Variants in KIF13A observed in about 807,000 individuals in gnomAD.
The protein encoded by KIF13A is kinesin-like protein KIF13A.
KIF13A carries 79 observed loss-of-function variants against 212.2 expected under a neutral mutation model. The observed-to-expected ratio is 0.37, with a 90% CI of 0.31 to 0.45. KIF13A has a LOEUF of 0.45. Among genes scored for constraint, KIF13A ranks in the 20% least tolerant of loss-of-function variants. The pLI, the probability that KIF13A is intolerant of heterozygous loss-of-function variation, is 1.00. For missense variants in KIF13A, 1,901 were observed against 2,209.0 expected, an observed-to-expected ratio of 0.86 and a Z score of 2.79; for synonymous variants, 789 against 808.6, an observed-to-expected ratio of 0.98 and a Z score of 0.41.
In KIF13A at chr6:17,811,616, T is replaced by C. The variant is rs936794393; in HGVS notation, c.2001-2686A>G. Among the ~76,000 whole-genome samples the C allele has an allele frequency of 6.6e-6, 1 of 152,228 alleles. No homozygotes were observed. The highest frequency in any genetic ancestry group is 1.5e-5 in the Non-Finnish European group (1 of 68,040). ...TTGATTCTCAACCCATCAACATTCA[T>C]GTAGGTAAGAGTCCTTCATTATTTC... On this transcript the variant is annotated intron_variant, in intron 17 of 38. Coordinates refer to ENST00000259711, the MANE Select transcript of KIF13A (RefSeq NM_022113.6). This position sits in a 1 kb window ranked among gnomAD's most constrained non-coding sequence, Gnocchi z 6.0.
Position 17,849,239 on chromosome 6 carries a change from T to C in KIF13A, c.830+138A>G, listed in dbSNP as rs1015949696. ...ACATCTTAACAGACACAGGTTGTTGTTGTTTTTCTTCAGCCCAGTTTACTA... is the reference window on the plus strand; with the variant it reads ...ACATCTTAACAGACACAGGTTGTTGCTGTTTTTCTTCAGCCCAGTTTACTA... On this transcript the variant is annotated intron_variant, in intron 9 of 38. Transcript: ENST00000259711. This position sits in a 1 kb window ranked among gnomAD's most constrained non-coding sequence, Gnocchi z 5.7. 9 of 601,354 alleles carry C rather than the reference T, an allele frequency of 1.5e-5. No homozygotes were observed. Among genetic ancestry groups the C allele is most frequent in the African/African-American group, 1.3e-4 (7 of 52,906 alleles). 37.3% of individuals were successfully genotyped at this position (601,354 alleles called of 1,614,324 possible). A position where few individuals can be genotyped will look rare whatever the true frequency, so the allele number is the denominator to read the frequency against.
intron 2 of KIF13A, among the ~76,000 whole-genome samples, chr6:17,922,781 T>C (rs1775194999): frequency 6.6e-6 from 1 of 151,762 alleles, no homozygotes; most frequent in African/African-American, 2.4e-5. Context: ...TGTACATATT[T>C]CTTCTTTTTT....
chr6:17,814,992 G>A (rs1581395571), intron 17 of KIF13A, among the ~76,000 whole-genome samples: 1 of 152,134 alleles, frequency 6.6e-6, no homozygotes, highest in South Asian at 2.1e-4. Flanking sequence ...TAGTGGCCCC[G>A]AATGCCTGGC....
chr6:17,843,475 C>T lies in KIF13A; in HGVS notation c.831-5892G>A, dbSNP rs141947193. Among the ~76,000 whole-genome samples the T allele has an allele frequency of 2.0e-5, 3 of 152,322 alleles. No individual in the cohort carries two copies. The East Asian group carries it at 5.8e-4, about 29-fold the overall frequency. The stretch of plus-strand genomic sequence containing the variant: ...GTTGTTCTTCTGATAAAAGAAGGTA[C>T]AAATTCAGCTGACAGAAGCCTGTGG... On this transcript the variant is annotated intron_variant, in intron 9 of 38. Coordinates refer to ENST00000259711, the MANE Select transcript of KIF13A (RefSeq NM_022113.6). This position sits in a 1 kb window ranked among gnomAD's most constrained non-coding sequence, Gnocchi z 5.3.
At chr6:17,805,917 G>A (rs1323700016) in intron 18 of KIF13A, among the ~76,000 whole-genome samples, 2 of 111,594 alleles carry the variant, frequency 1.8e-5, no homozygotes, top group Non-Finnish European at 1.7e-5. Context: ...TTCTTCATAA[G>A]CACGATTTTT....
intron 16 of KIF13A, among the ~76,000 whole-genome samples, chr6:17,819,610 AAAAC>A (rs148389020): frequency 0.19 from 28,844 of 151,934 alleles, 2,890 homozygotes; most frequent in South Asian, 0.32. Context: ...CCCAAACCAA[AAAAC>A]AAACAAAAAA....
chr6:17,874,301 G>T (rs1388909445), intron 3 of KIF13A, among the ~76,000 whole-genome samples: 1 of 149,382 alleles, frequency 6.7e-6, no homozygotes, highest in South Asian at 2.1e-4. Context: ...GTGGTGGTGG[G>T]GGGGGTTCTT....
rs928399055 is a variant in KIF13A at position 17,934,516 on chromosome 6, G to A, written c.147-36336C>T. On this transcript the variant is annotated intron_variant, in intron 2 of 38. Transcript: ENST00000259711. The surrounding 1 kb of genome is among the most constrained non-coding windows in gnomAD (Gnocchi z 5.4). ...AAAAAGACGCCGAAGGCCAGGCACC[G>A]TGGGTCATGCCTGTAATCCCAAAAC... is the stretch of plus-strand genomic sequence containing the variant. 2.6e-5 allele frequency among the ~76,000 whole-genome samples: 4 copies of A among 152,174 alleles called. No homozygotes were observed. The highest frequency in any genetic ancestry group is 2.1e-4 in the South Asian group (1 of 4,834).
chr6:17,824,999 A>G (rs1764842026), intron 16 of KIF13A, among the ~76,000 whole-genome samples: 1 of 152,168 alleles, frequency 6.6e-6, no homozygotes, highest in Non-Finnish European at 1.5e-5. Context: ...TTCTAGTCCC[A>G]GAAATGTCAT....
intron 4 of KIF13A, among the ~76,000 whole-genome samples, chr6:17,867,286 G>T (rs879274462): frequency 1.3e-5 from 2 of 152,060 alleles, no homozygotes; most frequent in Non-Finnish European, 2.9e-5. Flanking sequence ...GAGTATGAGT[G>T]AGATAATTTA....
intron 2 of KIF13A, among the ~76,000 whole-genome samples, chr6:17,944,234 C>CA (rs1315993688): frequency 1.2e-4 from 18 of 152,268 alleles, no homozygotes; most frequent in Middle Eastern, 3.4e-3. Context: ...AACTTTCTTT[C>CA]AAAACTTCAC....
chr6:17,936,826 G>A (rs1195934504), intron 2 of KIF13A, among the ~76,000 whole-genome samples: 1 of 152,074 alleles, frequency 6.6e-6, no homozygotes, highest in African/African-American at 2.4e-5. Flanking sequence ...ACATTTAAGT[G>A]TGTTTGCATT....
intron 2 of KIF13A, among the ~76,000 whole-genome samples, chr6:17,959,099 C>T (rs76127937): frequency 0.073 from 11,057 of 151,744 alleles, 468 homozygotes; most frequent in Middle Eastern, 0.13. Flanking sequence ...CACTATCTTG[C>T]CCAGGCTGTG....
At chr6:17,937,894 G>A (rs917647934) in intron 2 of KIF13A, among the ~76,000 whole-genome samples, 20 of 152,156 alleles carry the variant, frequency 1.3e-4, no homozygotes, top group Admixed American at 1.0e-3. Context: ...GGCCACAGGC[G>A]TGCAACACCA....
At position 17,829,482 on chromosome 6, in the gene KIF13A, G is replaced by C. The variant is rs1050958680; in HGVS notation, c.1402-1112C>G. Among the ~76,000 whole-genome samples, 1 of 152,126 alleles carries C rather than the reference G, an allele frequency of 6.6e-6. No homozygotes were observed. Among genetic ancestry groups the C allele is most frequent in the African/African-American group, 2.4e-5 (1 of 41,428 alleles). ...GCTTACACTGCAAAGTGAGAAATAG[G>C]ACATCTGATTGACACTGATAGCGTC... On this transcript the variant is annotated intron_variant, in intron 13 of 38. Coordinates refer to ENST00000259711, the MANE Select transcript of KIF13A (RefSeq NM_022113.6). The surrounding 1 kb of genome is among the most constrained non-coding windows in gnomAD (Gnocchi z 5.4).
At position 17,912,848 on chromosome 6, in the gene KIF13A, T is replaced by C. The variant is rs1031841395; in HGVS notation, c.147-14668A>G. 3.9e-5 allele frequency among the ~76,000 whole-genome samples: 6 copies of C among 152,210 alleles called. No homozygotes were observed. Among genetic ancestry groups the C allele is most frequent in the South Asian group, 4.1e-4 (2 of 4,832 alleles). ...CAGAGAAACTCCAAACAGACACTGA[T>C]GGTAAAAGGAGAATTTGTTGAGAAC... On this transcript the variant is annotated intron_variant, in intron 2 of 38. Transcript: ENST00000259711. This position sits in a 1 kb window ranked among gnomAD's most constrained non-coding sequence, Gnocchi z 4.2.
Position 17,763,799 on chromosome 6 carries a change from T to A in KIF13A, c.*311A>T. The A allele has an allele frequency of 1.8e-6, 2 of 1,129,418 alleles. No individual in the cohort carries two copies. The highest frequency in any genetic ancestry group is 2.2e-6 in the Non-Finnish European group (2 of 912,304). 70.0% of individuals were successfully genotyped at this position (1,129,418 alleles called of 1,614,324 possible). On this transcript the variant is annotated 3_prime_UTR_variant, in exon 39 of 39. Transcript: ENST00000259711. ...CACAGATTTGATGAAATATGGTAGA[T>A]GCTACCAGAACACTTTGGGAAAACT... is the stretch of plus-strand genomic sequence containing the variant.
intron 2 of KIF13A, among the ~76,000 whole-genome samples, chr6:17,903,062 T>A (rs1323410380): frequency 6.6e-6 from 1 of 152,208 alleles, no homozygotes; most frequent in East Asian, 1.9e-4. Flanking sequence ...ATATTTCTGA[T>A]AACTTACTTA....
intron 3 of KIF13A, among the ~76,000 whole-genome samples, chr6:17,894,079 C>A (rs1313039282): frequency 6.6e-6 from 1 of 151,540 alleles, no homozygotes; most frequent in East Asian, 1.9e-4. Flanking sequence ...ACCTCGTGAT[C>A]CTCCCACCTT....
Sources: allele counts gnomAD v4.1 joint callset (sites outside exome capture counted in the v4.1 genomes callset), GRCh38; gene constraint gnomAD v4.1.1; non-coding constraint Gnocchi (gnomAD v3.1); transcripts MANE v1.5; gene names NCBI Gene and HGNC (gene_info 2026-07-23, HGNC 2026-07-21).